FHL5: variants seen among roughly 807,000 people sequenced by gnomAD.
The protein encoded by FHL5 is four and a half LIM domains protein 5.
FHL5 carries 33 observed loss-of-function variants against 32.0 expected under a neutral mutation model. The observed-to-expected ratio is 1.03, with a 90% CI of 0.78 to 1.38. The LOEUF is 1.38. FHL5 is among the 40% of genes most tolerant of loss of function. The probability of loss-of-function intolerance (pLI) is 0.00; values close to 1 mark genes in which losing one functional copy is unlikely to be tolerated. For missense variants in FHL5, 336 were observed against 343.9 expected (o/e 0.98, Z 0.18); for synonymous variants, 114 against 113.6 (o/e 1.00, Z -0.02).
At position 96,605,901 on chromosome 6, in the gene FHL5, G is replaced by C; in HGVS notation, c.335-1G>C. Reference sequence around the variant, plus strand: ...AACATGGCCTTACTTTTGGAGTACAGGTTCCCGCAAAATGGAATTTAAGGG... The same window carrying C: ...AACATGGCCTTACTTTTGGAGTACACGTTCCCGCAAAATGGAATTTAAGGG... On this transcript the variant is annotated splice_acceptor_variant, in intron 3 of 5. Transcript: ENST00000450218. LOFTEE classifies it high-confidence loss of function. 1.2e-6 allele frequency: 2 copies of C among 1,613,700 alleles called. No homozygotes were observed. The highest frequency in any genetic ancestry group is 1.7e-6 in the Non-Finnish European group (2 of 1,179,792).
intron 1 of FHL5, among the ~76,000 whole-genome samples, chr6:96,600,048 T>A (rs1258863903): frequency 2.0e-5 from 3 of 152,148 alleles, no homozygotes; most frequent in Non-Finnish European, 4.4e-5. Context: ...ACAGAGTTAT[T>A]CCCTGAGAAT....
chr6:96,567,643 TG>T (rs998462764), intron 1 of FHL5, among the ~76,000 whole-genome samples: 22 of 151,874 alleles, frequency 1.4e-4, no homozygotes, highest in Middle Eastern at 3.4e-3. Flanking sequence ...TTCCATTTTT[TG>T]TGTCTTCTTC....
intron 4 of FHL5, among the ~76,000 whole-genome samples, chr6:96,608,784 G>C (rs1771338246): frequency 6.6e-6 from 1 of 152,126 alleles, no homozygotes; most frequent in Non-Finnish European, 1.5e-5. Context: ...TTAGATATTA[G>C]ACTTTATCTT....
At position 96,616,834 on chromosome 6, in the gene FHL5, A is replaced by C. The variant is rs987803274; in HGVS notation, c.*1062A>C. Among the ~76,000 whole-genome samples, 10 of 152,218 alleles carry C rather than the reference A, an allele frequency of 6.6e-5. No individual in the cohort carries two copies. Among genetic ancestry groups the C allele is most frequent in the African/African-American group, 2.4e-4 (10 of 41,452 alleles). On this transcript the variant is annotated 3_prime_UTR_variant, in exon 6 of 6. Coordinates refer to ENST00000450218, the MANE Select transcript of FHL5 (RefSeq NM_001322466.2). The stretch of plus-strand genomic sequence containing the variant: ...TAGTAATAATAAAAGCTGAAAAAGA[A>C]TAATTCACTGCTGATAATTCAGAAC...
chr6:96,615,548 T>C, intron 5 of FHL5, 61 bp from the exon 6 acceptor site: 1 of 1,389,594 alleles, frequency 7.2e-7, no homozygotes, highest in South Asian at 1.4e-5. Context: ...GAGCATCTGC[T>C]AGAATGCTCA....
intron 1 of FHL5, among the ~76,000 whole-genome samples, chr6:96,596,578 C>T (rs1383610962): frequency 6.6e-6 from 1 of 151,808 alleles, no homozygotes; most frequent in Non-Finnish European, 1.5e-5. Context: ...TTTCCCATCA[C>T]ATAACATGCA....
intron 1 of FHL5, among the ~76,000 whole-genome samples, chr6:96,585,597 A>C (rs961490183): frequency 6.6e-6 from 1 of 152,222 alleles, no homozygotes; most frequent in East Asian, 1.9e-4. Flanking sequence ...CCTGTATTTT[A>C]AGACACATAT....
intron 1 of FHL5, among the ~76,000 whole-genome samples, chr6:96,589,778 T>A (rs1475807032): frequency 6.6e-6 from 1 of 152,040 alleles, no homozygotes; most frequent in African/African-American, 2.4e-5. Context: ...TTCTCTTATA[T>A]TCTCAAAGGA....
intron 4 of FHL5, 70 bp downstream of exon 4, chr6:96,606,141 G>A: frequency 2.3e-6 from 3 of 1,285,432 alleles, no homozygotes; most frequent in Non-Finnish European, 3.3e-6. Context: ...CATATATTTA[G>A]AATGAACTGA....
chr6:96,562,689 G>A (rs1276922969), upstream of FHL5: 3 of 152,136 alleles, frequency 2.0e-5, no homozygotes, highest in East Asian at 5.8e-4. Context: ...CAATCCAGGG[G>A]GCCATCTCTT....
chr6:96,606,034 A>T lies in FHL5; in HGVS notation c.467A>T (p.Glu156Val), dbSNP rs1287534512. The T allele has an allele frequency of 1.9e-6, 3 of 1,614,098 alleles. No individual in the cohort carries two copies. The highest frequency in any genetic ancestry group is 2.5e-6 in the Non-Finnish European group (3 of 1,179,982). ...ESGNYCVPCFEKEFAHYCNFC... is the reference protein window; with the variant it reads ...ESGNYCVPCFVKEFAHYCNFC... ...GGCAATTATTGTGTGCCATGTTTTG[A>T]GAAGGAGTTTGCTCACTACTGCAAC... The change falls in exon 4 of 6, where the codon GAG (glutamate) becomes GTG (valine). Residue 156 changes from glutamate to valine, a missense_variant. Transcript: ENST00000450218.
chr6:96,602,363 TG>T (rs1771165965), intron 1 of FHL5, among the ~76,000 whole-genome samples: 1 of 151,276 alleles, frequency 6.6e-6, no homozygotes, highest in African/African-American at 2.4e-5. Context: ...AATTTTTTTT[TG>T]TAACAACAAA....
At chr6:96,611,541 T>G (rs1771408695) in intron 5 of FHL5, among the ~76,000 whole-genome samples, 1 of 152,230 alleles carries the variant, frequency 6.6e-6, no homozygotes, top group Non-Finnish European at 1.5e-5. Context: ...CAGCTATTCT[T>G]TCTGGCAATT....
intron 1 of FHL5, among the ~76,000 whole-genome samples, chr6:96,587,512 T>C (rs2127965527): frequency 6.6e-6 from 1 of 152,282 alleles, no homozygotes; most frequent in South Asian, 2.1e-4. Context: ...GAAATAAATT[T>C]ATATTTTTAA....
At chr6:96,563,439 T>C (rs575711858) in intron 1 of FHL5, 84 bp downstream of exon 1, 1 of 152,294 alleles carries the variant, frequency 6.6e-6, no homozygotes, top group East Asian at 1.9e-4. Context: ...ATGAGAAATT[T>C]TTATAAACTT....
intron 1 of FHL5, among the ~76,000 whole-genome samples, chr6:96,578,511 T>A (rs1770631247): frequency 6.6e-6 from 1 of 152,150 alleles, no homozygotes; most frequent in Admixed American, 6.5e-5. Flanking sequence ...AGTCAATCAT[T>A]GCAAACTGGC....
intron 3 of FHL5, among the ~76,000 whole-genome samples, 176 bp from the exon 4 acceptor site, chr6:96,605,725 AT>A (rs150263956): frequency 0.039 from 5,841 of 151,424 alleles, 146 homozygotes; most frequent in African/African-American, 0.055. Context: ...TTTATTAACC[AT>A]TTTTTTTTCT....
chr6:96,580,941 C>T (rs1770684390), intron 1 of FHL5, among the ~76,000 whole-genome samples: 1 of 152,142 alleles, frequency 6.6e-6, no homozygotes, highest in Non-Finnish European at 1.5e-5. Context: ...TACTGGACAG[C>T]TTCCAATACT....
intron 5 of FHL5, 28 bp downstream of exon 5, chr6:96,610,786 G>A (rs761144605): frequency 5.7e-5 from 86 of 1,500,114 alleles, no homozygotes; most frequent in Non-Finnish European, 7.3e-5. Context: ...ATATGATCAT[G>A]CCATGAGACA....
Sources: allele counts gnomAD v4.1 joint callset (sites outside exome capture counted in the v4.1 genomes callset), GRCh38; gene constraint gnomAD v4.1.1; transcripts MANE v1.5; gene names NCBI Gene and HGNC (gene_info 2026-07-23, HGNC 2026-07-21).